PDSS1: variants seen among roughly 807,000 people sequenced by gnomAD.
PDSS1 encodes all trans-polyprenyl-diphosphate synthase PDSS1.
In PDSS1, 43 loss-of-function variants were observed where a neutral mutation model predicts 57.5. The observed-to-expected ratio is 0.75, with a 90% CI of 0.59 to 0.96. The LOEUF is 0.96. Ranked by LOEUF, PDSS1 falls within the 50% of genes least tolerant of loss-of-function variation. The pLI is 0.00. For synonymous variants in PDSS1, 175 were observed against 191.3 expected (o/e 0.91, Z 0.70); for missense variants, 438 against 527.8 (o/e 0.83, Z 1.67).
intron 5 of PDSS1, among the ~76,000 whole-genome samples, chr10:26,716,492 G>C (rs1253141007): frequency 1.3e-5 from 2 of 152,128 alleles, no homozygotes; most frequent in African/African-American, 4.8e-5. Context: ...ATGAGTTTGA[G>C]ACCAGCCTTG....
At chr10:26,739,030 A>T (rs894584501) in intron 10 of PDSS1, among the ~76,000 whole-genome samples, 16 of 152,166 alleles carry the variant, frequency 1.1e-4, no homozygotes, top group East Asian at 3.8e-4. Flanking sequence ...TATCTTTTTT[A>T]AAAAAACCAA....
chr10:26,707,077 TC>T (rs1277701637), intron 4 of PDSS1, among the ~76,000 whole-genome samples: 2 of 152,162 alleles, frequency 1.3e-5, no homozygotes, highest in African/African-American at 4.8e-5. Context: ...GCATCCCGTC[TC>T]CCCGGATTCT....
intron 10 of PDSS1, among the ~76,000 whole-genome samples, chr10:26,740,308 C>G (rs893844855): frequency 2.6e-5 from 4 of 152,120 alleles, no homozygotes; most frequent in African/African-American, 2.4e-5. Flanking sequence ...AGTCTCATAA[C>G]AAAACTAAAA....
intron 4 of PDSS1, among the ~76,000 whole-genome samples, chr10:26,708,607 A>G (rs946139211): frequency 1.3e-5 from 2 of 152,136 alleles, no homozygotes; most frequent in African/African-American, 4.8e-5. Context: ...TATGGGCTCT[A>G]TGCGCTTACG....
At chr10:26,720,874 C>G (rs1264028740) in intron 6 of PDSS1, among the ~76,000 whole-genome samples, 1 of 152,144 alleles carries the variant, frequency 6.6e-6, no homozygotes, top group Non-Finnish European at 1.5e-5. Flanking sequence ...ATATTATTAG[C>G]ATTGGGAATA....
At chr10:26,699,605 G>C (rs2132202158) in intron 1 of PDSS1, among the ~76,000 whole-genome samples, 3 of 152,124 alleles carry the variant, frequency 2.0e-5, no homozygotes, top group Middle Eastern at 6.8e-3. Context: ...ATGTTGCCCA[G>C]GCTGGTCTGG....
intron 8 of PDSS1, among the ~76,000 whole-genome samples, chr10:26,727,304 A>G (rs1835987347): frequency 6.7e-6 from 1 of 149,154 alleles, no homozygotes; most frequent in Admixed American, 6.7e-5. Flanking sequence ...AGAGCTGGGT[A>G]TGGTAATCCT....
intron 1 of PDSS1, among the ~76,000 whole-genome samples, chr10:26,698,380 G>T (rs1328549216): frequency 6.6e-6 from 1 of 152,088 alleles, no homozygotes; most frequent in African/African-American, 2.4e-5. Flanking sequence ...CAGTGGCCTC[G>T]GGAGGAGAGC....
At chr10:26,730,061 C>T (rs575611544) in intron 8 of PDSS1, among the ~76,000 whole-genome samples, 3 of 151,430 alleles carry the variant, frequency 2.0e-5, no homozygotes, top group Non-Finnish European at 2.9e-5. Flanking sequence ...TACAGGTGCC[C>T]GCTACCACGC....
chr10:26,709,640 A>G lies in PDSS1; in HGVS notation c.339A>G (p.Glu113=). The stretch of plus-strand genomic sequence containing the variant: ...GACACAGAGAAACTTTATTTCAGGA[A>G]CTGCTTATATCAACATCAGAACTTA... ...LKGLYEDIRK[E]LLISTSELKE... Residue 113 remains glutamate (E), a splice_region_variant and synonymous_variant, in exon 5 of 12, where the codon GAA becomes GAG. Coordinates refer to ENST00000376215, the MANE Select transcript of PDSS1 (RefSeq NM_014317.5). 1 of 1,613,836 alleles carries G rather than the reference A, an allele frequency of 6.2e-7. No individual in the cohort carries two copies.
In PDSS1 at chr10:26,697,766, C is replaced by T. The variant is rs1046909649; in HGVS notation, c.55C>T (p.Arg19Trp). ...RRGCSWKPAA[R>W]SPGPGSPGRA... ...CGGCTGCTCCTGGAAGCCGGCGGCG[C>T]GGAGCCCCGGGCCCGGCTCCCCCGG... Residue 19 changes from arginine to tryptophan, a missense_variant, in exon 1 of 12, where the codon CGG becomes TGG. By Grantham distance (101) the Arg-to-Trp change is moderately radical. This residue lies in a region of PDSS1 where 154 missense variants were observed against 137.0 expected (regional missense o/e 1.12). Transcript: ENST00000376215. The T allele has an allele frequency of 1.3e-5, 17 of 1,290,802 alleles. No individual in the cohort carries two copies. Among genetic ancestry groups the T allele is most frequent in the Non-Finnish European group, 1.6e-5 (16 of 1,024,870 alleles). The allele number at this position is 1,290,802 out of a possible 1,614,324, so 80.0% of individuals were successfully genotyped here. A position where few individuals can be genotyped will look rare whatever the true frequency, so the allele number is the denominator to read the frequency against.
chr10:26,708,666 C>T (rs182609729), intron 4 of PDSS1, among the ~76,000 whole-genome samples: 51 of 152,222 alleles, frequency 3.4e-4, no homozygotes, highest in African/African-American at 1.2e-3. Context: ...AAAGGCCAAG[C>T]CAGATGGACT....
At chr10:26,741,584 A>G (rs975164841) in intron 10 of PDSS1, among the ~76,000 whole-genome samples, 1 of 152,160 alleles carries the variant, frequency 6.6e-6, no homozygotes, top group African/African-American at 2.4e-5. Context: ...CACTCTACAC[A>G]CTGCTTAAGG....
intron 10 of PDSS1, among the ~76,000 whole-genome samples, chr10:26,742,087 G>A (rs555557124): frequency 6.6e-6 from 1 of 152,250 alleles, no homozygotes; most frequent in South Asian, 2.1e-4. Flanking sequence ...ATGTTGGCCA[G>A]GCTAGTCTCA....
In PDSS1 at chr10:26,712,968, T is replaced by G. The variant is rs942975692; in HGVS notation, c.467+3200T>G. ...GATGCTGTGTTTTTTTGTTTTTTTG[T>G]TTTTTTTTTTGCTTCTGAGGTATGT... On this transcript the variant is annotated intron_variant, in intron 5 of 11. Coordinates refer to ENST00000376215, the MANE Select transcript of PDSS1 (RefSeq NM_014317.5). Among the ~76,000 whole-genome samples, 23 of 87,624 alleles carry G rather than the reference T, an allele frequency of 2.6e-4. 5 individuals carry two copies. The highest frequency in any genetic ancestry group is 7.3e-4 in the African/African-American group (20 of 27,240). The allele number at this position is 87,624 out of a possible 152,430, so 57.5% of individuals were successfully genotyped here. A position where few individuals can be genotyped will look rare whatever the true frequency, so the allele number is the denominator to read the frequency against.
Position 26,709,848 on chromosome 10 carries a change from C to T in PDSS1, c.467+80C>T, listed in dbSNP as rs1489297300. On this transcript the variant is annotated intron_variant, in intron 5 of 11. Transcript: ENST00000376215. ...CCGGGGTTACTTACTGTTTCATTTC[C>T]CATTTAAGAATTAGCATATACCGGC... is the stretch of plus-strand genomic sequence containing the variant. The T allele has an allele frequency of 6.1e-6, 9 of 1,467,358 alleles. No homozygotes were observed. The East Asian group carries it at 2.0e-4, about 33-fold the overall frequency. The allele number at this position is 1,467,358 out of a possible 1,614,324, so 90.9% of individuals were successfully genotyped here.
intron 4 of PDSS1, among the ~76,000 whole-genome samples, chr10:26,708,567 G>T (rs147536585): frequency 6.6e-6 from 1 of 152,286 alleles, no homozygotes; most frequent in East Asian, 1.9e-4. Flanking sequence ...TCAGTTGTAG[G>T]CTCCTTGTAA....
intron 5 of PDSS1, among the ~76,000 whole-genome samples, chr10:26,718,999 G>A (rs939952342): frequency 9.2e-5 from 14 of 152,126 alleles, no homozygotes; most frequent in East Asian, 1.9e-4. Context: ...GCTTTCTGCC[G>A]GGTCTGAGGA....
At chr10:26,720,748 TAAAAG>T (rs1294440092) in intron 6 of PDSS1, among the ~76,000 whole-genome samples, 1 of 152,112 alleles carries the variant, frequency 6.6e-6, no homozygotes, top group Non-Finnish European at 1.5e-5. Context: ...ATAAAACTAA[TAAAAG>T]AAAAAAGAAA....
Sources: gnomAD v4.1 joint callset for allele counts (sites outside exome capture counted in the v4.1 genomes callset) on GRCh38, gnomAD v4.1.1 for gene constraint, gnomAD v4.1.1 regional missense constraint, MANE v1.5 for transcripts, NCBI Gene and HGNC (gene_info 2026-07-23, HGNC 2026-07-21) for gene names.